LRRD1: variants seen among roughly 807,000 people sequenced by gnomAD.
LRRD1 encodes the protein leucine rich repeats and death domain containing 1, also known as leucine-rich repeat and death domain-containing protein 1.
Under a neutral mutation model 69.5 loss-of-function variants are expected in LRRD1, and 49 were observed. The observed-to-expected ratio is 0.70, with a 90% CI of 0.56 to 0.89. The LOEUF (loss-of-function observed/expected upper bound fraction) is 0.89. Among genes scored for constraint, LRRD1 ranks in the 40% least tolerant of loss-of-function variants. The pLI, the probability that LRRD1 is intolerant of heterozygous loss-of-function variation, is 0.00. For synonymous variants in LRRD1, 303 were observed against 338.9 expected, an observed-to-expected ratio of 0.89 and a Z score of 1.16; for missense variants, 853 against 956.0, an observed-to-expected ratio of 0.89 and a Z score of 1.42.
chr7:92,176,042 C>T (rs1054415243), intron 1 of LRRD1, among the ~76,000 whole-genome samples: 3 of 152,110 alleles, frequency 2.0e-5, no homozygotes, highest in African/African-American at 7.2e-5. Context: ...TCACTTTATC[C>T]TTTTCTTAAA....
chr7:92,164,590 A>G lies in LRRD1; in HGVS notation c.613T>C (p.Ser205Pro). 3.2e-6 allele frequency: 5 copies of G among 1,551,416 alleles called. No individual in the cohort carries two copies. The highest frequency in any genetic ancestry group is 4.4e-6 in the Non-Finnish European group (5 of 1,146,578). The change falls in exon 2 of 6, where the codon TCT (serine) becomes CCT (proline). Residue 205 changes from serine (S) to proline (P), a missense_variant. By Grantham distance (74) the Ser-to-Pro change is moderately conservative. This residue lies in a region of LRRD1 where 739 missense variants were observed against 808.0 expected (regional missense o/e 0.91). Transcript: ENST00000458448. ...LQENGLSSLPSEIQLLHNLRI... is the reference protein window; with the variant it reads ...LQENGLSSLPPEIQLLHNLRI... The stretch of plus-strand genomic sequence containing the variant: ...AAATTATGAAGTAACTGAATTTCAG[A>G]TGGAAGTGATGATAATCCATTTTCT...
intron 1 of LRRD1, among the ~76,000 whole-genome samples, chr7:92,174,510 T>TATATGTATATATA (rs1491100533): frequency 1.6e-3 from 20 of 12,598 alleles, no homozygotes; most frequent in South Asian, 7.6e-3. Context: ...TATATATATA[T>TATATGTATATATA]TTTTTTTTTT....
intron 3 of LRRD1, 25 bp from the exon 4 acceptor site, chr7:92,150,720 A>G (rs770923514): frequency 1.3e-4 from 190 of 1,466,028 alleles, no homozygotes; most frequent in Non-Finnish European, 1.7e-4. Flanking sequence ...TTAGAATTGA[A>G]TTACATCTTT....
intron 1 of LRRD1, among the ~76,000 whole-genome samples, chr7:92,175,325 CACTCAAATTGAGT>C (rs1172944081): frequency 6.6e-6 from 1 of 152,022 alleles, no homozygotes; most frequent in Non-Finnish European, 1.5e-5. Context: ...AGAGATGATC[CACTCAAATTGAGT>C]AATTTGAGGA....
intron 1 of LRRD1, among the ~76,000 whole-genome samples, chr7:92,172,919 G>A (rs1051670129): frequency 2.6e-4 from 39 of 152,086 alleles, no homozygotes; most frequent in African/African-American, 8.7e-4. Context: ...AAAGCTGGAG[G>A]CATCATCCTT....
chr7:92,173,512 T>C (rs759859037), intron 1 of LRRD1, among the ~76,000 whole-genome samples: 5 of 152,046 alleles, frequency 3.3e-5, no homozygotes, highest in African/African-American at 4.8e-5. Flanking sequence ...AAAAATCTGA[T>C]TTGCAAAAGT....
At chr7:92,159,985 G>A (rs926448673) in intron 2 of LRRD1, among the ~76,000 whole-genome samples, 2 of 152,070 alleles carry the variant, frequency 1.3e-5, no homozygotes, top group African/African-American at 4.8e-5. Flanking sequence ...TGATACACAT[G>A]TTTTATACTT....
chr7:92,172,282 C>T (rs1252474118), intron 1 of LRRD1, among the ~76,000 whole-genome samples: 1 of 152,116 alleles, frequency 6.6e-6, no homozygotes, highest in Non-Finnish European at 1.5e-5. Context: ...AGATCTGGAA[C>T]AAAACAAGGA....
chr7:92,144,694 C>G (rs879099323), downstream of LRRD1: 1 of 269,126 alleles, frequency 3.7e-6, no homozygotes, highest in African/African-American at 2.3e-5. Flanking sequence ...GACAACAGAA[C>G]AAACACACAA....
At chr7:92,143,509 GC>G (rs1298580796), downstream of LRRD1, among the ~76,000 whole-genome samples, 6 of 152,186 alleles carry the variant, frequency 3.9e-5, no homozygotes, top group Admixed American at 3.9e-4. Flanking sequence ...CCCGAGCCCT[GC>G]CCCGCGGGAA....
intron 4 of LRRD1, among the ~76,000 whole-genome samples, chr7:92,147,714 G>A (rs1357635374): frequency 6.6e-6 from 1 of 151,644 alleles, no homozygotes; most frequent in East Asian, 1.9e-4. Context: ...ATTTTTTCTT[G>A]ACAAAGGTAC....
chr7:92,148,449 T>A (rs1263695337), intron 4 of LRRD1, among the ~76,000 whole-genome samples: 1 of 146,334 alleles, frequency 6.8e-6, no homozygotes, highest in Non-Finnish European at 1.5e-5. Flanking sequence ...TTATATATAC[T>A]CTCTCAGGCT....
At chr7:92,157,187 C>T (rs1788678554) in intron 3 of LRRD1, among the ~76,000 whole-genome samples, 1 of 151,926 alleles carries the variant, frequency 6.6e-6, no homozygotes, top group African/African-American at 2.4e-5. Context: ...TAAACCACCA[C>T]ATCTGCTTGC....
chr7:92,151,080 T>C (rs1469495127), intron 3 of LRRD1, among the ~76,000 whole-genome samples: 1 of 152,254 alleles, frequency 6.6e-6, no homozygotes, highest in Non-Finnish European at 1.5e-5. Flanking sequence ...CCTAATGTTA[T>C]CACATTATCA....
chr7:92,149,710 T>G (rs1820417827), intron 4 of LRRD1, among the ~76,000 whole-genome samples: 1 of 152,184 alleles, frequency 6.6e-6, no homozygotes, highest in Non-Finnish European at 1.5e-5. Context: ...TTTATTTATT[T>G]ATTTATTTAT....
At chr7:92,174,919 T>A (rs1789159699) in intron 1 of LRRD1, among the ~76,000 whole-genome samples, 1 of 151,626 alleles carries the variant, frequency 6.6e-6, no homozygotes. Context: ...AATAAAAAAA[T>A]TAGCTGGGAG....
At position 92,163,280 on chromosome 7, in the gene LRRD1, T is replaced by G; in HGVS notation, c.1917+6A>C. On this transcript the variant is annotated splice_donor_region_variant and intron_variant, in intron 2 of 5. Transcript: ENST00000458448. ...CCCCACAAAGCCCACAATACCAGTC[T>G]CTTACCTTTCTCCCTTTTATCTGAC... 6.9e-7 allele frequency: 1 copy of G among 1,444,644 alleles called. No homozygotes were observed. Among genetic ancestry groups the G allele is most frequent in the Non-Finnish European group, 9.1e-7 (1 of 1,097,186 alleles). The allele number at this position is 1,444,644 out of a possible 1,614,324, so 89.5% of individuals were successfully genotyped here.
intron 3 of LRRD1, among the ~76,000 whole-genome samples, chr7:92,152,939 A>C (rs1480276409): frequency 6.6e-6 from 1 of 152,228 alleles, no homozygotes; most frequent in African/African-American, 2.4e-5. Flanking sequence ...AAGTGCTGGG[A>C]TTACAGGCGT....
chr7:92,149,225 A>G (rs533165221), intron 4 of LRRD1, among the ~76,000 whole-genome samples: 1 of 152,350 alleles, frequency 6.6e-6, no homozygotes, highest in South Asian at 2.1e-4. Context: ...TTAAAGACTA[A>G]GCAATTTTTC....
Sources: gnomAD v4.1 joint callset for allele counts (sites outside exome capture counted in the v4.1 genomes callset) on GRCh38, gnomAD v4.1.1 for gene constraint, gnomAD v4.1.1 regional missense constraint, MANE v1.5 for transcripts, NCBI Gene and HGNC (gene_info 2026-07-23, HGNC 2026-07-21) for gene names.